The following NAGK variants were observed in gnomAD, a reference collection of about 807,000 sequenced individuals.
NAGK encodes N-acetylglucosamine kinase.
In NAGK, 35 loss-of-function variants were observed where a neutral mutation model predicts 42.9. The ratio of observed to expected loss-of-function variants is 0.82; its 90% CI spans 0.62 to 1.08. NAGK has a LOEUF of 1.08. NAGK is among the 50% of genes least tolerant of loss of function. NAGK has a pLI of 0.00. For missense variants in NAGK, 446 were observed against 446.0 expected, an observed-to-expected ratio of 1.00 and a Z score of 0.00; for synonymous variants, 172 against 176.0, an observed-to-expected ratio of 0.98 and a Z score of 0.18.
chr2:71,073,155 C>T, intron 5 of NAGK: 1 of 478,006 alleles, frequency 2.1e-6, no homozygotes, highest in Admixed American at 3.3e-5. Flanking sequence ...TCATAGGGGC[C>T]CTTGAGGTCC....
chr2:71,073,324 A>ACCCCCCCCCC, intron 5 of NAGK, 158 bp from the exon 6 acceptor site: 20 of 188,368 alleles, frequency 1.1e-4, no homozygotes, highest in South Asian at 3.0e-4. Context: ...AGACCCTCCC[A>ACCCCCCCCCC]CCCCCCTCTC....
At position 71,072,738 on chromosome 2, in the gene NAGK, T is replaced by C. The variant is rs924599609; in HGVS notation, c.453T>C (p.Gly151=). The change falls in exon 5 of 10, where the codon GGT becomes GGC. Residue 151 remains glycine (G), a synonymous_variant. Coordinates refer to ENST00000244204, the MANE Select transcript of NAGK (RefSeq NM_017567.6). The part of the protein sequence containing the change: ...SGCGGWGHMM[G]DEGSAYWIAH... Reference sequence around the variant, plus strand: ...GCGGCGGCTGGGGCCATATGATGGGTGATGAGGGTTCAGGTGAGCTCACTG... The same window carrying C: ...GCGGCGGCTGGGGCCATATGATGGGCGATGAGGGTTCAGGTGAGCTCACTG... 2 of 1,613,370 alleles carry C rather than the reference T, an allele frequency of 1.2e-6. No homozygotes were observed. The highest frequency in any genetic ancestry group is 4.5e-5 in the East Asian group (2 of 44,864).
At chr2:71,077,123 G>A (rs774893635) in intron 8 of NAGK, among the ~76,000 whole-genome samples, 3 of 152,018 alleles carry the variant, frequency 2.0e-5, no homozygotes, top group Non-Finnish European at 4.4e-5. Context: ...TTACAGGCGC[G>A]CATCACCATG....
At position 71,078,425 on chromosome 2, in the gene NAGK, C is replaced by G. The variant is rs200730544; in HGVS notation, c.952C>G (p.Leu318Val). ...CTCCTCCGCTCTGGGTGGGGCCAGC[C>G]TAGGGGCCAGGCACATCGGGCACCT... is the stretch of plus-strand genomic sequence containing the variant. ...RHSSALGGAS[L>V]GARHIGHLLP... The change falls in exon 10 of 10, where the codon CTA (leucine) becomes GTA (valine). Residue 318 changes from leucine to valine, a missense_variant. Coordinates refer to ENST00000244204, the MANE Select transcript of NAGK (RefSeq NM_017567.6). 3 of 1,613,986 alleles carry G rather than the reference C, an allele frequency of 1.9e-6. No individual in the cohort carries two copies. In the South Asian group the frequency reaches 3.3e-5, roughly 18 times the overall value.
intron 8 of NAGK, 50 bp downstream of exon 8, chr2:71,076,751 C>T (rs375909540): frequency 1.4e-6 from 2 of 1,480,778 alleles, no homozygotes; most frequent in African/African-American, 2.8e-5. Flanking sequence ...GAGGAGTGGT[C>T]CTTTCCCACT....
At chr2:71,071,622 C>CG (rs1558725318) in intron 3 of NAGK, 64 bp from the exon 4 acceptor site, 1 of 1,525,026 alleles carries the variant, frequency 6.6e-7, no homozygotes, top group Non-Finnish European at 8.8e-7. Flanking sequence ...CAGGAGGGGG[C>CG]GGGGGTTGAG....
At chr2:71,068,857 G>C in intron 1 of NAGK, 145 bp downstream of exon 1, 1 of 1,377,080 alleles carries the variant, frequency 7.3e-7, no homozygotes, top group Non-Finnish European at 9.3e-7. Flanking sequence ...TGCACGCGCA[G>C]GGGCGCCCTG....
chr2:71,073,166 A>C (rs1331366853), intron 5 of NAGK: 1 of 489,914 alleles, frequency 2.0e-6, no homozygotes, highest in Non-Finnish European at 3.7e-6. Context: ...CTTGAGGTCC[A>C]GTTCATGGCA....
rs751893306 is a variant in NAGK, at chr2:71,070,738, C to T, written c.115-3C>T. 6.2e-7 allele frequency: 1 copy of T among 1,614,174 alleles called. No individual in the cohort carries two copies. The highest frequency in any genetic ancestry group is 8.5e-7 in the Non-Finnish European group (1 of 1,180,038). On this transcript the variant is annotated splice_polypyrimidine_tract_variant and splice_region_variant and intron_variant, in intron 2 of 9. Coordinates refer to ENST00000244204, the MANE Select transcript of NAGK (RefSeq NM_017567.6). ...AACTCCTTCTTCCCTTGATTGGGGC[C>T]AGCTGATCGGGACAGACAAGTGTGT...
intron 8 of NAGK, 122 bp downstream of exon 8, chr2:71,076,823 G>T (rs1672229542): frequency 1.2e-6 from 1 of 823,364 alleles, no homozygotes; most frequent in African/African-American, 1.7e-5. Flanking sequence ...TGAACTTAGG[G>T]TCTAAGAAGC....
chr2:71,077,659 A>G, intron 9 of NAGK, 23 bp downstream of exon 9: 1 of 1,589,784 alleles, frequency 6.3e-7, no homozygotes, highest in Non-Finnish European at 8.6e-7. Context: ...GGAGGCTGGA[A>G]GGGCAAGGGC....
upstream of NAGK, chr2:71,068,495 A>T: frequency 7.0e-7 from 1 of 1,422,026 alleles, no homozygotes; most frequent in Non-Finnish European, 9.2e-7. Context: ...GAAGGAAGAC[A>T]GCCTGAGGGA....
chr2:71,078,633 A>G lies in NAGK; in HGVS notation c.*125A>G. The G allele has an allele frequency of 2.6e-6, 3 of 1,161,366 alleles. No homozygotes were observed. The East Asian group carries it at 7.9e-5, about 31-fold the overall frequency. The allele number at this position is 1,161,366 out of a possible 1,614,324, so 71.9% of individuals were successfully genotyped here. On this transcript the variant is annotated 3_prime_UTR_variant, in exon 10 of 10. Coordinates refer to ENST00000244204, the MANE Select transcript of NAGK (RefSeq NM_017567.6). ...AGAAGAAAATAAATGCACTTTATCC[A>G]CTCCCCAATTGGACTGCATTATCAA... is the stretch of plus-strand genomic sequence containing the variant.
chr2:71,069,041 GT>G, intron 1 of NAGK: 1 of 1,097,910 alleles, frequency 9.1e-7, no homozygotes, highest in Non-Finnish European at 1.1e-6. Context: ...CTCGGACAGA[GT>G]TTTGCAGAAC....
At chr2:71,077,749 A>G in intron 9 of NAGK, 113 bp downstream of exon 9, 1 of 1,158,562 alleles carries the variant, frequency 8.6e-7, no homozygotes, top group Non-Finnish European at 1.2e-6. Flanking sequence ...CCTGAGGCCT[A>G]GACAGGCCAC....
intron 3 of NAGK, 70 bp from the exon 4 acceptor site, chr2:71,071,616 A>C: frequency 6.6e-7 from 1 of 1,511,516 alleles, no homozygotes. Flanking sequence ...AGGCATCAGG[A>C]GGGGGCGGGG....
At chr2:71,077,389 A>C in intron 8 of NAGK, 169 bp from the exon 9 acceptor site, 1 of 630,030 alleles carries the variant, frequency 1.6e-6, no homozygotes, top group Middle Eastern at 2.6e-4. Context: ...CCCTTTACAA[A>C]TGTCTCCTAT....
chr2:71,068,497 C>A (rs1485919230), upstream of NAGK: 1 of 1,426,928 alleles, frequency 7.0e-7, no homozygotes, highest in Middle Eastern at 2.5e-4. Context: ...AGGAAGACAG[C>A]CTGAGGGACG....
In NAGK at chr2:71,078,604, A is replaced by G; in HGVS notation, c.*96A>G. On this transcript the variant is annotated 3_prime_UTR_variant, in exon 10 of 10. Transcript: ENST00000244204. ...TCCTTTCTCCTTTTTACAAAAACAA[A>G]CATAGAAGAAAATAAATGCACTTTA... 2 of 1,360,050 alleles carry G rather than the reference A, an allele frequency of 1.5e-6. No homozygotes were observed. Among genetic ancestry groups the G allele is most frequent in the Admixed American group, 5.8e-5 (2 of 34,300 alleles). The allele number at this position is 1,360,050 out of a possible 1,614,324, so 84.2% of individuals were successfully genotyped here.
Sources: gnomAD v4.1 joint callset for allele counts (sites outside exome capture counted in the v4.1 genomes callset) on GRCh38, gnomAD v4.1.1 for gene constraint, MANE v1.5 for transcripts, NCBI Gene and HGNC (gene_info 2026-07-23, HGNC 2026-07-21) for gene names.